Variants in ZNF442 observed in about 807,000 individuals in gnomAD.
ZNF442 encodes zinc finger protein 442.
Under a neutral mutation model 57.0 loss-of-function variants are expected in ZNF442, and 45 were observed. The ratio of observed to expected loss-of-function variants is 0.79; its 90% confidence interval spans 0.62 to 1.01. The LOEUF (loss-of-function observed/expected upper bound fraction) is 1.01, where lower values mean the gene tolerates loss of function less well. Ranked by LOEUF, ZNF442 falls within the 50% of genes least tolerant of loss-of-function variation. ZNF442 has a pLI of 0.00. For missense variants in ZNF442, 690 were observed against 756.5 expected (o/e 0.91, Z 1.03); for synonymous variants, 213 against 241.8 (o/e 0.88, Z 1.10).
At chr19:12,353,205 T>C in intron 3 of ZNF442, 91 bp from the exon 4 acceptor site, 4 of 1,371,180 alleles carry the variant, frequency 2.9e-6, no homozygotes, top group Non-Finnish European at 3.9e-6. Context: ...TACTATTATT[T>C]CTAAGCAATG....
chr19:12,362,738 T>A (rs554054284), intron 3 of ZNF442, among the ~76,000 whole-genome samples: 2 of 152,226 alleles, frequency 1.3e-5, no homozygotes, highest in South Asian at 4.1e-4. Context: ...GAGTGGGCCA[T>A]GATGACGATG....
chr19:12,350,454 A>G lies in ZNF442; in HGVS notation c.1131T>C (p.Tyr377=). The G allele has an allele frequency of 6.2e-7, 1 of 1,614,128 alleles. No individual in the cohort carries two copies. The highest frequency in any genetic ancestry group is 8.5e-7 in the Non-Finnish European group (1 of 1,179,960). The change falls in exon 6 of 6, where the codon TAT becomes TAC. Residue 377 remains tyrosine, a synonymous_variant. Transcript: ENST00000242804. The part of the protein sequence containing the change: ...HERTHTGEKP[Y]ECKQCGKALS... ...ACGCTTTCCCACACTGCTTGCATTC[A>G]TAGGGTTTCTCTCCAGTGTGAGTTC...
chr19:12,357,612 C>T (rs1969355566), intron 3 of ZNF442, among the ~76,000 whole-genome samples: 1 of 152,088 alleles, frequency 6.6e-6, no homozygotes, highest in Non-Finnish European at 1.5e-5. Flanking sequence ...CTTGGCCTCC[C>T]AAAGTGCTGT....
In ZNF442 at chr19:12,351,303, C is replaced by G; in HGVS notation, c.282G>C (p.Glu94Asp). 6.2e-7 allele frequency: 1 copy of G among 1,612,304 alleles called. No individual in the cohort carries two copies. The highest frequency in any genetic ancestry group is 8.5e-7 in the Non-Finnish European group (1 of 1,178,836). Residue 94 changes from glutamate to aspartate, a missense_variant, in exon 6 of 6, where the codon GAG becomes GAC. Glu to Asp is a conservative substitution (Grantham distance 45, BLOSUM62 2). Transcript: ENST00000242804. Reference sequence around the variant, plus strand: ...CTGGCTGGCGACTTTCACTAAATCTCTCTATGATATGACATCTGTAAAACA... The same window carrying G: ...CTGGCTGGCGACTTTCACTAAATCTGTCTATGATATGACATCTGTAAAACA... ...PRRSLRCHII[E>D]RFSESRQPDS... is the part of the protein sequence containing the mutation.
chr19:12,361,668 C>T (rs1311648061), intron 3 of ZNF442, among the ~76,000 whole-genome samples: 1 of 149,378 alleles, frequency 6.7e-6, no homozygotes, highest in African/African-American at 2.5e-5. Context: ...AAAATTGGAC[C>T]TCCCCCTCCC....
At chr19:12,372,935 A>G in the ZNF442 span, among the ~76,000 whole-genome samples, 2 of 152,088 alleles carry the variant, frequency 1.3e-5, no homozygotes, top group Non-Finnish European at 2.9e-5. Context: ...CACCATGCCC[A>G]GCTAATTTTT....
At chr19:12,355,290 C>CAAAA (rs1243882800) in intron 3 of ZNF442, among the ~76,000 whole-genome samples, 2 of 55,660 alleles carry the variant, frequency 3.6e-5, no homozygotes, top group African/African-American at 1.3e-4. Context: ...GACTCCATCT[C>CAAAA]AAAAAAAAAA....
At position 12,365,133 on chromosome 19, in the gene ZNF442, G is replaced by C. The variant is rs1005100354; in HGVS notation, c.-372C>G. The C allele has an allele frequency of 2.0e-5, 3 of 152,982 alleles. No individual in the cohort carries two copies. Among genetic ancestry groups the C allele is most frequent in the African/African-American group, 7.2e-5 (3 of 41,388 alleles). The allele number at this position is 152,982 out of a possible 1,614,324, so 9.5% of individuals were successfully genotyped here. On this transcript the variant is annotated 5_prime_UTR_variant, in exon 2 of 6. Transcript: ENST00000242804. The stretch of plus-strand genomic sequence containing the variant: ...CCATCCCCAAACCTCTCATGGAGGC[G>C]GAACTGGGGTCTTCTCTCCTCTCCC...
intron 3 of ZNF442, among the ~76,000 whole-genome samples, chr19:12,362,257 T>G (rs2144840877): frequency 6.8e-6 from 1 of 146,482 alleles, no homozygotes; most frequent in South Asian, 2.2e-4. Context: ...CTGGCCGTCA[T>G]CCCGTCTAGG....
chr19:12,368,672 C>T (rs1223215169), upstream of ZNF442, among the ~76,000 whole-genome samples: 1 of 152,236 alleles, frequency 6.6e-6, no homozygotes, highest in Admixed American at 6.5e-5. Context: ...CAAACCCTTT[C>T]TTTAAAAACC....
intron 3 of ZNF442, among the ~76,000 whole-genome samples, chr19:12,362,270 G>A (rs1413159388): frequency 6.6e-6 from 1 of 152,000 alleles, no homozygotes; most frequent in Non-Finnish European, 1.5e-5. Context: ...CGTCTAGGAA[G>A]TGAGGAGCAT....
At chr19:12,368,660 T>G (rs1969557343), upstream of ZNF442, among the ~76,000 whole-genome samples, 1 of 152,192 alleles carries the variant, frequency 6.6e-6, no homozygotes, top group Non-Finnish European at 1.5e-5. Context: ...TCTTCTGCAT[T>G]CCAAACCCTT....
At chr19:12,364,571 A>C (rs979795069) in intron 2 of ZNF442, among the ~76,000 whole-genome samples, 7 of 152,054 alleles carry the variant, frequency 4.6e-5, no homozygotes, top group Non-Finnish European at 4.4e-5. Context: ...TAGCCTGCGT[A>C]AGGCTCTGGA....
intron 3 of ZNF442, among the ~76,000 whole-genome samples, chr19:12,356,729 CA>C (rs1414875849): frequency 6.6e-6 from 1 of 151,824 alleles, no homozygotes; most frequent in Non-Finnish European, 1.5e-5. Flanking sequence ...TGAAAGACCA[CA>C]AAGAAAAAAA....
chr19:12,348,505 T>G lies in ZNF442; in HGVS notation c.*1196A>C, dbSNP rs1221687870. 1 of 152,152 alleles carries G rather than the reference T, an allele frequency of 6.6e-6. No homozygotes were observed. The highest frequency in any genetic ancestry group is 1.5e-5 in the Non-Finnish European group (1 of 68,038). The allele number at this position is 152,152 out of a possible 1,614,324, so 9.4% of individuals were successfully genotyped here. The stretch of plus-strand genomic sequence containing the variant: ...AAGAACCAGCTTCCTACAACAATGT[T>G]TCTAACTAAATATCTGCAAATATGA... On this transcript the variant is annotated 3_prime_UTR_variant, in exon 6 of 6. Coordinates refer to ENST00000242804, the MANE Select transcript of ZNF442 (RefSeq NM_030824.3).
At chr19:12,372,637 AAAGT>A in the ZNF442 span, among the ~76,000 whole-genome samples, 26 of 152,280 alleles carry the variant, frequency 1.7e-4, no homozygotes, top group African/African-American at 6.3e-4. Context: ...TTTTTTTCTG[AAAGT>A]AAGATGTAGG....
chr19:12,367,732 A>G (rs4804661), upstream of ZNF442, among the ~76,000 whole-genome samples: 47,813 of 151,852 alleles, frequency 0.31, 8,354 homozygotes, highest in African/African-American at 0.48. Context: ...GCAGTGGCAC[A>G]ATCTCGGCTC....
chr19:12,369,066 T>C (rs1969560581), upstream of ZNF442, among the ~76,000 whole-genome samples: 1 of 152,266 alleles, frequency 6.6e-6, no homozygotes, highest in African/African-American at 2.4e-5. Flanking sequence ...TAAACTGAGT[T>C]CTTTCTCTAG....
At chr19:12,370,790 C>T (rs1390068207), upstream of ZNF442, among the ~76,000 whole-genome samples, 7 of 151,732 alleles carry the variant, frequency 4.6e-5, no homozygotes, top group Non-Finnish European at 5.9e-5. Flanking sequence ...CTGGCCAACA[C>T]GGTGAGACCC....
Sources: gnomAD v4.1 joint callset for allele counts (sites outside exome capture counted in the v4.1 genomes callset) on GRCh38, gnomAD v4.1.1 for gene constraint, MANE v1.5 for transcripts, NCBI Gene and HGNC (gene_info 2026-07-23, HGNC 2026-07-21) for gene names.